ACAP2: variants seen among roughly 807,000 people sequenced by gnomAD.
ACAP2 encodes arf-GAP with coiled-coil, ANK repeat and PH domain-containing protein 2.
ACAP2 carries 39 observed loss-of-function variants against 115.8 expected under a neutral mutation model. The observed-to-expected ratio is 0.34, with a 90% CI of 0.26 to 0.44. The LOEUF (loss-of-function observed/expected upper bound fraction) is 0.44. ACAP2 is among the 20% of genes least tolerant of loss of function. The pLI is 1.00. For missense variants in ACAP2, 662 were observed against 927.6 expected (o/e 0.71, Z 3.72); for synonymous variants, 289 against 315.8 (o/e 0.92, Z 0.90).
At chr3:195,396,904 C>T (rs561482420) in intron 1 of ACAP2, among the ~76,000 whole-genome samples, 2 of 147,096 alleles carry the variant, frequency 1.4e-5, no homozygotes, top group East Asian at 3.9e-4. Context: ...CCCTTCATTC[C>T]AACTTGGCAA....
At chr3:195,346,902 G>T (rs944981908) in intron 4 of ACAP2, among the ~76,000 whole-genome samples, 1 of 152,108 alleles carries the variant, frequency 6.6e-6, no homozygotes, top group African/African-American at 2.4e-5. Flanking sequence ...AAATTTGTAG[G>T]GCATTCAGGA....
intron 1 of ACAP2, among the ~76,000 whole-genome samples, chr3:195,404,089 C>T (rs1315089571): frequency 6.6e-6 from 1 of 152,068 alleles, no homozygotes; most frequent in Admixed American, 6.6e-5. Flanking sequence ...TCCTATAATC[C>T]CAGCTCTTTG....
At chr3:195,421,824 G>C (rs1304420034) in intron 1 of ACAP2, among the ~76,000 whole-genome samples, 1 of 152,140 alleles carries the variant, frequency 6.6e-6, no homozygotes, top group Non-Finnish European at 1.5e-5. Flanking sequence ...CACCTGGAAA[G>C]ATTATTTCTA....
At chr3:195,351,698 C>T (rs1046824620) in intron 4 of ACAP2, among the ~76,000 whole-genome samples, 21 of 144,108 alleles carry the variant, frequency 1.5e-4, no homozygotes, top group African/African-American at 5.0e-4. Flanking sequence ...TCTCCTGATC[C>T]GTGATCCGCC....
At chr3:195,416,633 A>C (rs1473038671) in intron 1 of ACAP2, among the ~76,000 whole-genome samples, 1 of 152,184 alleles carries the variant, frequency 6.6e-6, no homozygotes, top group Non-Finnish European at 1.5e-5. Context: ...CTATGAACAC[A>C]GTGTTCATTT....
In ACAP2 at chr3:195,285,874, T is replaced by A. The variant is rs368066629; in HGVS notation, c.2175-17A>T. The A allele has an allele frequency of 6.3e-7, 1 of 1,576,988 alleles. No individual in the cohort carries two copies. Among genetic ancestry groups the A allele is most frequent in the African/African-American group, 1.4e-5 (1 of 73,912 alleles). ...AAACGTAACCTAAAAATAAATAAAA[T>A]AGTGTTTTAGATGACATTATATAAT... On this transcript the variant is annotated splice_polypyrimidine_tract_variant and intron_variant, in intron 21 of 22. Coordinates refer to ENST00000326793, the MANE Select transcript of ACAP2 (RefSeq NM_012287.6).
intron 15 of ACAP2, among the ~76,000 whole-genome samples, chr3:195,299,689 T>G (rs1727900949): frequency 6.6e-6 from 1 of 151,880 alleles, no homozygotes. Flanking sequence ...ATACAAAAAA[T>G]TAGCTGGGTG....
At chr3:195,436,130 TA>T (rs139495966) in intron 1 of ACAP2, among the ~76,000 whole-genome samples, 33,131 of 142,878 alleles carry the variant, frequency 0.23, 4,577 homozygotes, top group East Asian at 0.7. Context: ...TATATATATA[TA>T]TATTTTTTTT....
chr3:195,337,913 C>T (rs1730616814), intron 6 of ACAP2, among the ~76,000 whole-genome samples: 1 of 151,340 alleles, frequency 6.6e-6, no homozygotes, highest in South Asian at 2.1e-4. Context: ...GAGCCCGGGG[C>T]CACTCCCACC....
intron 21 of ACAP2, among the ~76,000 whole-genome samples, chr3:195,288,795 T>C (rs576728453): frequency 9.2e-5 from 14 of 151,982 alleles, no homozygotes; most frequent in South Asian, 4.2e-4. Flanking sequence ...GAGGTGGAGG[T>C]TGCAGGGAGC....
At chr3:195,403,311 C>A (rs565228041) in intron 1 of ACAP2, among the ~76,000 whole-genome samples, 1 of 152,304 alleles carries the variant, frequency 6.6e-6, no homozygotes, top group South Asian at 2.1e-4. Flanking sequence ...CATTCAGAAC[C>A]TTGTAGGCCC....
chr3:195,351,134 G>C (rs913144322), intron 4 of ACAP2, among the ~76,000 whole-genome samples: 1 of 79,440 alleles, frequency 1.3e-5, no homozygotes, highest in African/African-American at 5.2e-5. Context: ...TTTTTTGGGC[G>C]GGGGACAGGG....
rs1730591286 is a variant in ACAP2 at position 195,337,613 on chromosome 3, T to C, written c.529-637A>G. On this transcript the variant is annotated intron_variant, in intron 6 of 22. Transcript: ENST00000326793. The stretch of plus-strand genomic sequence containing the variant: ...ACCGGCTTGTGCCACCACGCTCGGC[T>C]AATTTTTTCTATTTAGTAGAGACGG... Among the ~76,000 whole-genome samples, 2 of 152,140 alleles carry C rather than the reference T, an allele frequency of 1.3e-5. 1 individual carries two copies. The highest frequency in any genetic ancestry group is 2.9e-5 in the Non-Finnish European group (2 of 67,998).
intron 9 of ACAP2, among the ~76,000 whole-genome samples, chr3:195,321,828 G>C (rs1367262764): frequency 6.6e-6 from 1 of 151,912 alleles, no homozygotes; most frequent in African/African-American, 2.4e-5. Flanking sequence ...AGCCAGGCTG[G>C]TCTCAAACTC....
At chr3:195,312,190 A>G (rs1728816527) in intron 10 of ACAP2, among the ~76,000 whole-genome samples, 1 of 152,088 alleles carries the variant, frequency 6.6e-6, no homozygotes, top group African/African-American at 2.4e-5. Context: ...TATCACTAGA[A>G]CTATACAGAT....
rs145968175 is a variant in ACAP2 at position 195,363,870 on chromosome 3, G to A, written c.285+17139C>T. Among the ~76,000 whole-genome samples the A allele has an allele frequency of 1.6e-3, 244 of 152,236 alleles. 9 individuals carry two copies. In the South Asian group the frequency reaches 0.046, roughly 29 times the overall value. ...TGCCAAGAACATGCAACAGGGAAAGGGCAGTCTGTTCAGTAAATAAAGCTC... is the reference window on the plus strand; with the variant it reads ...TGCCAAGAACATGCAACAGGGAAAGAGCAGTCTGTTCAGTAAATAAAGCTC... On this transcript the variant is annotated intron_variant, in intron 4 of 22. Coordinates refer to ENST00000326793, the MANE Select transcript of ACAP2 (RefSeq NM_012287.6).
chr3:195,304,455 G>A (rs111272853), intron 13 of ACAP2, among the ~76,000 whole-genome samples: 66 of 152,244 alleles, frequency 4.3e-4, no homozygotes, highest in African/African-American at 1.4e-3. Flanking sequence ...ACCAATTCAC[G>A]AAAGTATTAA....
In ACAP2 at chr3:195,333,051, AG is replaced by A; in HGVS notation, c.645del (p.Tyr216ThrfsTer2). 1 of 1,609,656 alleles carries A rather than the reference AG, an allele frequency of 6.2e-7. No individual in the cohort carries two copies. Among genetic ancestry groups the A allele is most frequent in the Non-Finnish European group, 8.5e-7 (1 of 1,177,788 alleles). ...QGYDLFSELG[P>X]YMKDLGAQLD... is the part of the protein sequence containing the mutation. The stretch of plus-strand genomic sequence containing the variant: ...ACCTGTGCACCAAGATCCTTCATGT[AG>A]GGTCCAAGTTCACTAAACAGATCAT... On this transcript the variant is annotated frameshift_variant, in exon 8 of 23. Coordinates refer to ENST00000326793, the MANE Select transcript of ACAP2 (RefSeq NM_012287.6). LOFTEE classifies it high-confidence loss of function.
intron 17 of ACAP2, chr3:195,295,063 T>C: frequency 2.3e-6 from 1 of 440,742 alleles, no homozygotes; most frequent in South Asian, 2.1e-5. Context: ...TCAGGGGTAG[T>C]AAAGAGCTTA....
Sources: allele counts gnomAD v4.1 joint callset (sites outside exome capture counted in the v4.1 genomes callset), GRCh38; gene constraint gnomAD v4.1.1; transcripts MANE v1.5; gene names NCBI Gene and HGNC (gene_info 2026-07-23, HGNC 2026-07-21).